Variants in ASTN2 observed in about 807,000 individuals in gnomAD.
ASTN2 encodes the protein astrotactin-2.
In ASTN2, 54 loss-of-function variants were observed where a neutral mutation model predicts 139.8. The observed-to-expected ratio is 0.39, with a 90% CI of 0.31 to 0.48. ASTN2 has a LOEUF of 0.48. ASTN2 is among the 20% of genes least tolerant of loss of function. The pLI, the probability that ASTN2 is intolerant of heterozygous loss-of-function variation, is 0.95. For missense variants in ASTN2, 1,565 were observed against 1,725.1 expected (o/e 0.91, Z 1.64); for synonymous variants, 756 against 719.5 (o/e 1.05, Z -0.81).
At chr9:117,231,344 C>T (rs1832885998) in intron 2 of ASTN2, among the ~76,000 whole-genome samples, 1 of 152,152 alleles carries the variant, frequency 6.6e-6, no homozygotes, top group African/African-American at 2.4e-5. Context: ...CTGACTAGTC[C>T]TTCTTATTTG....
At chr9:116,635,230 G>A (rs913852617) in intron 17 of ASTN2, among the ~76,000 whole-genome samples, 1 of 152,086 alleles carries the variant, frequency 6.6e-6, no homozygotes, top group Non-Finnish European at 1.5e-5. Context: ...TATAAAGTGG[G>A]TGCTCATATT....
chr9:116,575,393 G>A (rs958991233), intron 19 of ASTN2, among the ~76,000 whole-genome samples: 1 of 152,158 alleles, frequency 6.6e-6, no homozygotes, highest in Non-Finnish European at 1.5e-5. Flanking sequence ...CTGCTTTGGT[G>A]TGGATGAGTA....
intron 3 of ASTN2, among the ~76,000 whole-genome samples, chr9:117,162,947 A>G (rs369657410): frequency 6.6e-6 from 1 of 152,190 alleles, no homozygotes. Flanking sequence ...AGGAACAGGG[A>G]CTGGTTTCTA....
chr9:116,689,370 A>G (rs1364470698), intron 16 of ASTN2, among the ~76,000 whole-genome samples: 2 of 152,226 alleles, frequency 1.3e-5, no homozygotes, highest in African/African-American at 4.8e-5. Flanking sequence ...GAAGTAAACT[A>G]GCATGCCTAG....
At chr9:116,985,760 C>T (rs546897476) in intron 7 of ASTN2, among the ~76,000 whole-genome samples, 10 of 152,246 alleles carry the variant, frequency 6.6e-5, no homozygotes, top group East Asian at 1.9e-4. Context: ...GAACACAGGA[C>T]GCTTAACATG....
At chr9:116,779,875 CT>C (rs1274507006) in intron 13 of ASTN2, among the ~76,000 whole-genome samples, 2 of 152,196 alleles carry the variant, frequency 1.3e-5, no homozygotes, top group Non-Finnish European at 2.9e-5. Context: ...TTTCCTTCAA[CT>C]ATTTCACCAC....
chr9:116,840,333 CCT>C, intron 11 of ASTN2, among the ~76,000 whole-genome samples: 1 of 151,428 alleles, frequency 6.6e-6, no homozygotes, highest in East Asian at 2.0e-4. Context: ...ACCTTTCCCC[CCT>C]TTCTATTCCA....
intron 17 of ASTN2, among the ~76,000 whole-genome samples, chr9:116,640,266 C>T (rs1234059649): frequency 6.6e-6 from 1 of 151,994 alleles, no homozygotes; most frequent in Non-Finnish European, 1.5e-5. Context: ...AGTTTATCTG[C>T]TGTTTCTTCC....
At chr9:117,117,059 T>C (rs971814058) in intron 4 of ASTN2, among the ~76,000 whole-genome samples, 1 of 152,052 alleles carries the variant, frequency 6.6e-6, no homozygotes, top group African/African-American at 2.4e-5. Flanking sequence ...TATGGTAATA[T>C]GAATGCTTAA....
intron 10 of ASTN2, among the ~76,000 whole-genome samples, chr9:116,942,724 T>A (rs2132471845): frequency 6.6e-6 from 1 of 152,246 alleles, no homozygotes; most frequent in East Asian, 1.9e-4. Flanking sequence ...TGGTGTGACA[T>A]TTAGGGAACA....
chr9:116,939,812 C>T (rs549982818), intron 10 of ASTN2, among the ~76,000 whole-genome samples: 2 of 152,114 alleles, frequency 1.3e-5, no homozygotes, highest in South Asian at 2.1e-4. Flanking sequence ...ATAACAAATA[C>T]GTCATGGGCT....
intron 20 of ASTN2, among the ~76,000 whole-genome samples, chr9:116,455,742 T>TAA (rs201681693): frequency 7.4e-6 from 1 of 134,530 alleles, no homozygotes; most frequent in Non-Finnish European, 1.6e-5. Flanking sequence ...ATCTAAAAAG[T>TAA]AAAAAAAAAA....
intron 6 of ASTN2, among the ~76,000 whole-genome samples, chr9:117,020,458 C>T (rs1163712414): frequency 6.6e-6 from 1 of 151,930 alleles, no homozygotes; most frequent in African/African-American, 2.4e-5. Context: ...CTTTCTTCTT[C>T]TCACTCTTGC....
intron 19 of ASTN2, among the ~76,000 whole-genome samples, chr9:116,498,548 T>C (rs184238734): frequency 7.8e-4 from 119 of 151,732 alleles, no homozygotes; most frequent in Non-Finnish European, 1.6e-3. Flanking sequence ...CAGTGAGCTG[T>C]GACTGTGCCA....
At chr9:117,109,717 TTTCTTA>T (rs1398604077) in intron 4 of ASTN2, among the ~76,000 whole-genome samples, 2 of 152,176 alleles carry the variant, frequency 1.3e-5, no homozygotes, top group Non-Finnish European at 2.9e-5. Flanking sequence ...GGACAACTAT[TTTCTTA>T]TTCTTATTGT....
chr9:116,514,500 T>C (rs183825322), intron 19 of ASTN2, among the ~76,000 whole-genome samples: 12 of 152,302 alleles, frequency 7.9e-5, no homozygotes, highest in East Asian at 3.9e-4. Context: ...TCTCAAACTC[T>C]TTGCTGGGAG....
chr9:116,868,141 C>T (rs570895928), intron 10 of ASTN2, among the ~76,000 whole-genome samples: 3 of 152,300 alleles, frequency 2.0e-5, no homozygotes, highest in African/African-American at 7.2e-5. Context: ...ACCAAAACTA[C>T]CAACATCCTC....
At chr9:116,787,663 G>A (rs1013639592) in intron 13 of ASTN2, among the ~76,000 whole-genome samples, 3 of 152,152 alleles carry the variant, frequency 2.0e-5, no homozygotes, top group African/African-American at 7.2e-5. Flanking sequence ...TTCAGTTTCA[G>A]TGAAATTGAG....
intron 11 of ASTN2, among the ~76,000 whole-genome samples, chr9:116,843,298 G>A (rs1832321831): frequency 6.6e-6 from 1 of 152,170 alleles, no homozygotes; most frequent in Non-Finnish European, 1.5e-5. Flanking sequence ...GGATGCAGCT[G>A]GAGGCCATTA....
Sources: gnomAD v4.1 joint callset for allele counts (sites outside exome capture counted in the v4.1 genomes callset) on GRCh38, gnomAD v4.1.1 for gene constraint, MANE v1.5 for transcripts, NCBI Gene and HGNC (gene_info 2026-07-23, HGNC 2026-07-21) for gene names.